ATXN7L1: variants seen among roughly 807,000 people sequenced by gnomAD.
The protein encoded by ATXN7L1 is ataxin 7 like 1, also known as ataxin-7-like protein 1.
Under a neutral mutation model 70.8 loss-of-function variants are expected in ATXN7L1, and 15 were observed. That is an observed-to-expected ratio of 0.21 (90% CI 0.14 to 0.33). The LOEUF is 0.33. Among genes scored for constraint, ATXN7L1 ranks in the 10% least tolerant of loss-of-function variants. ATXN7L1 has a pLI of 1.00. For missense variants in ATXN7L1, 975 were observed against 1,097.1 expected (o/e 0.89, Z 1.57); for synonymous variants, 440 against 445.1 (o/e 0.99, Z 0.14).
chr7:105,845,429 T>G (rs988925836), intron 2 of ATXN7L1, among the ~76,000 whole-genome samples: 7 of 151,952 alleles, frequency 4.6e-5, no homozygotes, highest in Non-Finnish European at 1.0e-4. Flanking sequence ...CCCATGTTCA[T>G]GCGTTGGAAG....
intron 2 of ATXN7L1, among the ~76,000 whole-genome samples, chr7:105,870,609 T>C (rs180773570): frequency 1.3e-5 from 2 of 152,300 alleles, no homozygotes; most frequent in East Asian, 3.9e-4. Flanking sequence ...AGGAACCCTA[T>C]TCCTTATCTA....
At chr7:105,763,123 T>C (rs1039337167) in intron 3 of ATXN7L1, among the ~76,000 whole-genome samples, 1 of 152,222 alleles carries the variant, frequency 6.6e-6, no homozygotes, top group Non-Finnish European at 1.5e-5. Context: ...TTTGTTGTTC[T>C]AAGCTGCTAA....
intron 2 of ATXN7L1, among the ~76,000 whole-genome samples, chr7:105,859,627 A>G (rs141896852): frequency 1.3e-3 from 201 of 152,278 alleles, no homozygotes; most frequent in African/African-American, 4.6e-3. Context: ...CCTAGGAGCA[A>G]TAGGTTATAC....
rs902216274 is a variant in ATXN7L1 at position 105,876,370 on chromosome 7, G to A, written c.181+8C>T. On this transcript the variant is annotated splice_region_variant and intron_variant, in intron 1 of 11. Coordinates refer to ENST00000419735, the MANE Select transcript of ATXN7L1 (RefSeq NM_020725.2). Reference sequence around the variant, plus strand: ...AATAAAAGGAGGAGGAGGTGGTGGGGTTCTTACTGTCGGAGCAGTGTAATT... The same window carrying A: ...AATAAAAGGAGGAGGAGGTGGTGGGATTCTTACTGTCGGAGCAGTGTAATT... 1.9e-6 allele frequency: 3 copies of A among 1,595,378 alleles called. No individual in the cohort carries two copies. Among genetic ancestry groups the A allele is most frequent in the East Asian group, 4.5e-5 (2 of 44,328 alleles).
chr7:105,638,521 T>C lies in ATXN7L1; in HGVS notation c.1034A>G (p.Glu345Gly). ...LLAEHKAKSR[E>G]KEVKDKEHLL... ...ATGCTCTTTATCTTTAACTTCTTTT[T>C]CCCGGGACTTTGCTTTGTGTTCTGC... Residue 345 changes from glutamate to glycine, a missense_variant, in exon 7 of 12, where the codon GAA (glutamate) becomes GGA (glycine). Physicochemically the swap from Glu to Gly is moderately conservative, Grantham distance 98 (BLOSUM62 -2). This residue lies in a region of ATXN7L1 where 635 missense variants were observed against 699.4 expected (regional missense o/e 0.91). Coordinates refer to ENST00000419735, the MANE Select transcript of ATXN7L1 (RefSeq NM_020725.2). The C allele has an allele frequency of 1.9e-6, 3 of 1,552,284 alleles. No homozygotes were observed. Among genetic ancestry groups the C allele is most frequent in the Non-Finnish European group, 2.6e-6 (3 of 1,147,110 alleles).
chr7:105,842,031 G>A (rs1410552281), intron 2 of ATXN7L1, among the ~76,000 whole-genome samples: 1 of 152,108 alleles, frequency 6.6e-6, no homozygotes, highest in Non-Finnish European at 1.5e-5. Context: ...TGTGAGATGG[G>A]GAACTAGAAT....
At chr7:105,618,495 C>T (rs983424093) in intron 9 of ATXN7L1, among the ~76,000 whole-genome samples, 1 of 152,174 alleles carries the variant, frequency 6.6e-6, no homozygotes, top group Admixed American at 6.5e-5. Flanking sequence ...AAATGGGGCT[C>T]ACTTCTCCTA....
At chr7:105,853,806 G>A (rs1387222551) in intron 2 of ATXN7L1, among the ~76,000 whole-genome samples, 1 of 152,012 alleles carries the variant, frequency 6.6e-6, no homozygotes, top group Non-Finnish European at 1.5e-5. Context: ...CAAATTAAAT[G>A]TGCTCTATAT....
chr7:105,767,757 AG>A, intron 3 of ATXN7L1, among the ~76,000 whole-genome samples: 1 of 152,334 alleles, frequency 6.6e-6, no homozygotes, highest in Non-Finnish European at 1.5e-5. Flanking sequence ...GCTTGGCTCC[AG>A]GGTCTGGCTC....
chr7:105,702,986 T>C (rs1054892051), intron 3 of ATXN7L1, among the ~76,000 whole-genome samples: 3 of 152,110 alleles, frequency 2.0e-5, no homozygotes, highest in Non-Finnish European at 4.4e-5. Context: ...CGTGGCGGCG[T>C]GCGCCTGTAG....
intron 2 of ATXN7L1, among the ~76,000 whole-genome samples, chr7:105,811,504 T>A (rs907992755): frequency 4.6e-5 from 7 of 152,196 alleles, no homozygotes; most frequent in African/African-American, 1.7e-4. Context: ...GGGGGTAAGC[T>A]AACAATTCAG....
At chr7:105,639,674 G>C (rs1797888735) in intron 5 of ATXN7L1, 105 bp from the exon 6 acceptor site, 1 of 773,880 alleles carries the variant, frequency 1.3e-6, no homozygotes. Context: ...CAACAAGTGA[G>C]ACATTGTCAG....
At chr7:105,862,868 T>A (rs1448320359) in intron 2 of ATXN7L1, among the ~76,000 whole-genome samples, 1 of 152,122 alleles carries the variant, frequency 6.6e-6, no homozygotes, top group Non-Finnish European at 1.5e-5. Flanking sequence ...GGAGATGCAT[T>A]CTGTGCCTTT....
At chr7:105,844,785 C>T (rs888731861) in intron 2 of ATXN7L1, among the ~76,000 whole-genome samples, 1 of 152,112 alleles carries the variant, frequency 6.6e-6, no homozygotes, top group African/African-American at 2.4e-5. Flanking sequence ...AAAGGTAAAA[C>T]CATCTCTATT....
intron 2 of ATXN7L1, among the ~76,000 whole-genome samples, chr7:105,808,261 G>A (rs2116533346): frequency 6.6e-6 from 1 of 152,308 alleles, no homozygotes; most frequent in Middle Eastern, 3.4e-3. Context: ...TGATGTGAAA[G>A]GAAAAAGATA....
At chr7:105,797,284 G>A (rs1220512142) in intron 2 of ATXN7L1, among the ~76,000 whole-genome samples, 3 of 152,202 alleles carry the variant, frequency 2.0e-5, no homozygotes, top group Non-Finnish European at 4.4e-5. Flanking sequence ...GAAACACAAG[G>A]GGCAGGTGGA....
chr7:105,607,722 C>A lies in ATXN7L1; in HGVS notation c.*130G>T. 1 of 701,716 alleles carries A rather than the reference C, an allele frequency of 1.4e-6. No individual in the cohort carries two copies. 43.5% of individuals were successfully genotyped at this position (701,716 alleles called of 1,614,324 possible). A position where few individuals can be genotyped will look rare whatever the true frequency, so the allele number is the denominator to read the frequency against. On this transcript the variant is annotated 3_prime_UTR_variant, in exon 12 of 12. Transcript: ENST00000419735. ...TCAATTAAAAAAAGAAGAAGAAAGGCCAGAGTCACAGGGAGTGCACAGAAA... is the reference window on the plus strand; with the variant it reads ...TCAATTAAAAAAAGAAGAAGAAAGGACAGAGTCACAGGGAGTGCACAGAAA...
intron 3 of ATXN7L1, among the ~76,000 whole-genome samples, chr7:105,705,639 C>T (rs1793065464): frequency 6.6e-6 from 1 of 152,184 alleles, no homozygotes; most frequent in Non-Finnish European, 1.5e-5. Context: ...TGCCACTTGC[C>T]ACACTAGACA....
chr7:105,638,262 T>C, intron 7 of ATXN7L1, 91 bp downstream of exon 7: 1 of 1,411,436 alleles, frequency 7.1e-7, no homozygotes, highest in South Asian at 1.5e-5. Flanking sequence ...ATGATTTCCA[T>C]TTAACATATA....
Sources: allele counts gnomAD v4.1 joint callset (sites outside exome capture counted in the v4.1 genomes callset), GRCh38; gene constraint gnomAD v4.1.1; regional missense constraint gnomAD v4.1.1; transcripts MANE v1.5; gene names NCBI Gene and HGNC (gene_info 2026-07-23, HGNC 2026-07-21).